Variants in TVP23A observed in about 807,000 individuals in gnomAD.
The protein encoded by TVP23A is Golgi apparatus membrane protein TVP23 homolog A.
TVP23A carries 21 observed loss-of-function variants against 31.7 expected under a neutral mutation model. The ratio of observed to expected loss-of-function variants is 0.66; its 90% confidence interval spans 0.47 to 0.95. The LOEUF (loss-of-function observed/expected upper bound fraction) is 0.95, where lower values mean the gene tolerates loss of function less well. Ranked by LOEUF, TVP23A falls within the 40% of genes least tolerant of loss-of-function variation. The pLI is 0.00. For missense variants in TVP23A, 279 were observed against 255.6 expected (o/e 1.09, Z -0.62); for synonymous variants, 104 against 96.0 (o/e 1.08, Z -0.49).
intron 2 of TVP23A, among the ~76,000 whole-genome samples, chr16:10,801,036 A>G (rs979822939): frequency 6.6e-6 from 1 of 152,102 alleles, no homozygotes. Flanking sequence ...CTTTTTGTCA[A>G]CAAAAGGATG....
intron 2 of TVP23A, among the ~76,000 whole-genome samples, chr16:10,778,354 A>G (rs1457845716): frequency 1.3e-5 from 2 of 152,146 alleles, no homozygotes; most frequent in Non-Finnish European, 2.9e-5. Flanking sequence ...ACAGGATCAC[A>G]TAGAACTTAA....
rs2031186934 is a variant in TVP23A, at chr16:10,768,212, A to G, written c.*890T>C. 3 of 496,090 alleles carry G rather than the reference A, an allele frequency of 6.0e-6. No individual in the cohort carries two copies. 30.7% of individuals were successfully genotyped at this position (496,090 alleles called of 1,614,324 possible). A position where few individuals can be genotyped will look rare whatever the true frequency, so the allele number is the denominator to read the frequency against. On this transcript the variant is annotated 3_prime_UTR_variant, in exon 8 of 8. Transcript: ENST00000299866. The surrounding 1 kb of genome is among the most constrained non-coding windows in gnomAD (Gnocchi z 4.3). Reference sequence around the variant, plus strand: ...CTCAATGTGTGAGTATTGTGAATTAATTCATAGTTTAAAAAACATGGTGAG... The same window carrying G: ...CTCAATGTGTGAGTATTGTGAATTAGTTCATAGTTTAAAAAACATGGTGAG...
At chr16:10,758,852 C>T (rs945328765), downstream of TVP23A, among the ~76,000 whole-genome samples, 1 of 152,204 alleles carries the variant, frequency 6.6e-6, no homozygotes, top group Non-Finnish European at 1.5e-5. Flanking sequence ...GTAGCAGTCA[C>T]CTAGTGGCTG....
intron 2 of TVP23A, among the ~76,000 whole-genome samples, chr16:10,802,200 TAAC>T (rs770440992): frequency 1.0e-4 from 15 of 150,296 alleles, no homozygotes; most frequent in East Asian, 5.9e-4. Flanking sequence ...ACAATTTGAG[TAAC>T]AACAAGAGTA....
chr16:10,778,602 T>C (rs1042432695), intron 2 of TVP23A, among the ~76,000 whole-genome samples: 5 of 151,724 alleles, frequency 3.3e-5, no homozygotes, highest in Admixed American at 6.6e-5. Context: ...TTGAACCTTG[T>C]AATCGAGTCA....
chr16:10,787,760 C>T (rs1465442569), intron 2 of TVP23A, among the ~76,000 whole-genome samples: 1 of 152,136 alleles, frequency 6.6e-6, no homozygotes, highest in East Asian at 1.9e-4. Context: ...TTAAACCTCC[C>T]CTCCTAAATT....
chr16:10,774,753 G>A (rs1314028549), intron 3 of TVP23A, among the ~76,000 whole-genome samples, 199 bp downstream of exon 3: 1 of 151,992 alleles, frequency 6.6e-6, no homozygotes, highest in Non-Finnish European at 1.5e-5. Context: ...TGGGATTACA[G>A]GCACACACCA....
At chr16:10,798,564 G>A (rs923868859) in intron 2 of TVP23A, among the ~76,000 whole-genome samples, 6 of 152,116 alleles carry the variant, frequency 3.9e-5, no homozygotes, top group Admixed American at 1.3e-4. Context: ...ATGAAGCAGG[G>A]GTCCTGGTCA....
rs1000544494 is a variant in TVP23A at position 10,777,499 on chromosome 16, G to A, written c.90-2403C>T. On this transcript the variant is annotated intron_variant, in intron 2 of 7. Transcript: ENST00000299866. The surrounding 1 kb of genome is among the most constrained non-coding windows in gnomAD (Gnocchi z 4.5). Reference sequence around the variant, plus strand: ...CTGCTCATTCTCCCCAAGAAGAAACGGAGTCCGAGTCAACAAACCACAGGT... The same window carrying A: ...CTGCTCATTCTCCCCAAGAAGAAACAGAGTCCGAGTCAACAAACCACAGGT... Among the ~76,000 whole-genome samples, 12 of 152,054 alleles carry A rather than the reference G, an allele frequency of 7.9e-5. No homozygotes were observed. Among genetic ancestry groups the A allele is most frequent in the East Asian group, 5.8e-4 (3 of 5,198 alleles).
chr16:10,811,811 G>A (rs193196276), intron 2 of TVP23A, among the ~76,000 whole-genome samples: 14 of 151,034 alleles, frequency 9.3e-5, no homozygotes, highest in Non-Finnish European at 1.5e-5. Flanking sequence ...GGCTGAGGCA[G>A]GAGAATGGCG....
At chr16:10,789,338 C>T (rs1297824342) in intron 2 of TVP23A, among the ~76,000 whole-genome samples, 2 of 151,784 alleles carry the variant, frequency 1.3e-5, no homozygotes, top group South Asian at 2.1e-4. Flanking sequence ...TTTCAAAATA[C>T]GACAAAAAAA....
At chr16:10,806,949 G>T (rs2033974583) in intron 2 of TVP23A, among the ~76,000 whole-genome samples, 1 of 152,188 alleles carries the variant, frequency 6.6e-6, no homozygotes, top group African/African-American at 2.4e-5. Flanking sequence ...ACTGAAATTT[G>T]TCTAGTTCCG....
downstream of TVP23A, among the ~76,000 whole-genome samples, chr16:10,757,653 C>T (rs180776538): frequency 6.2e-4 from 95 of 152,262 alleles, 2 homozygotes; most frequent in Non-Finnish European, 8.2e-4. The surrounding 1 kb of genome is among the most constrained non-coding windows in gnomAD (Gnocchi z 4.1). Flanking sequence ...ACCAAAGGCA[C>T]AAAAAGATCA....
chr16:10,776,613 A>G (rs891876730), intron 2 of TVP23A, among the ~76,000 whole-genome samples: 1 of 152,204 alleles, frequency 6.6e-6, no homozygotes, highest in Admixed American at 6.5e-5. Flanking sequence ...TCCAGACCCC[A>G]AGAGAGGGTT....
chr16:10,772,477 C>G (rs1025708851), intron 5 of TVP23A, among the ~76,000 whole-genome samples: 1 of 151,734 alleles, frequency 6.6e-6, no homozygotes, highest in Non-Finnish European at 1.5e-5. Flanking sequence ...TCAAGCGATT[C>G]TCCTGCCTCA....
At chr16:10,782,891 T>C (rs1191860377) in intron 2 of TVP23A, among the ~76,000 whole-genome samples, 1 of 152,118 alleles carries the variant, frequency 6.6e-6, no homozygotes, top group African/African-American at 2.4e-5. Context: ...TGCCAACCCC[T>C]GCTCCAGACC....
intron 2 of TVP23A, among the ~76,000 whole-genome samples, chr16:10,775,718 A>T (rs905056492): frequency 6.7e-6 from 1 of 149,616 alleles, no homozygotes; most frequent in African/African-American, 2.5e-5. Context: ...CAAGGGGAAC[A>T]TGCTCATCCT....
At chr16:10,816,823 T>G (rs1428702653) in intron 2 of TVP23A, among the ~76,000 whole-genome samples, 1 of 151,764 alleles carries the variant, frequency 6.6e-6, no homozygotes, top group Non-Finnish European at 1.5e-5. Context: ...TGTATACATA[T>G]GTAACGAACC....
chr16:10,784,685 G>A (rs2032638964), intron 2 of TVP23A, among the ~76,000 whole-genome samples: 1 of 152,192 alleles, frequency 6.6e-6, no homozygotes, highest in African/African-American at 2.4e-5. Flanking sequence ...TTCATCAAGT[G>A]TAACACATAT....
Sources: gnomAD v4.1 joint callset for allele counts (sites outside exome capture counted in the v4.1 genomes callset) on GRCh38, gnomAD v4.1.1 for gene constraint, Gnocchi (gnomAD v3.1) non-coding constraint, MANE v1.5 for transcripts, NCBI Gene and HGNC (gene_info 2026-07-23, HGNC 2026-07-21) for gene names.